Variants in CSMD1 observed in about 807,000 individuals in gnomAD.
CSMD1 encodes the protein CUB and Sushi multiple domains 1.
A neutral mutation model predicts 417.5 loss-of-function variants in CSMD1; 213 were observed. The ratio of observed to expected loss-of-function variants is 0.51; its 90% CI spans 0.46 to 0.57. The LOEUF is 0.57. Ranked by LOEUF, CSMD1 falls within the 20% of genes least tolerant of loss-of-function variation. The pLI is 0.00. For synonymous variants in CSMD1, 2,862 were observed against 1,736.8 expected (o/e 1.65, Z -16.11); for missense variants, 6,923 against 4,529.7 (o/e 1.53, Z -15.17).
intron 11 of CSMD1, among the ~76,000 whole-genome samples, chr8:3,478,184 T>G (rs1216248180): frequency 6.6e-6 from 1 of 152,242 alleles, no homozygotes; most frequent in African/African-American, 2.4e-5. Context: ...GAAGATGATG[T>G]GACTTAACAT....
chr8:3,368,577 G>A (rs901067961), intron 19 of CSMD1, among the ~76,000 whole-genome samples: 16 of 152,294 alleles, frequency 1.1e-4, no homozygotes, highest in African/African-American at 3.4e-4. Flanking sequence ...GACCTCAGGT[G>A]ATACACCTGT....
At chr8:3,538,238 ACACCTGAGATGCCT>A (rs1012169948) in intron 10 of CSMD1, among the ~76,000 whole-genome samples, 2 of 152,230 alleles carry the variant, frequency 1.3e-5, no homozygotes, top group East Asian at 1.9e-4. Context: ...TAGCAATGGC[ACACCTGAGATGCCT>A]CACCTGAGAT....
intron 8 of CSMD1, among the ~76,000 whole-genome samples, chr8:3,598,603 G>C (rs1331814314): frequency 2.0e-5 from 3 of 152,020 alleles, no homozygotes; most frequent in African/African-American, 7.2e-5. Context: ...TCTTTTATTT[G>C]TCCTCATCCC....
At chr8:3,545,891 C>A (rs1002967555) in intron 10 of CSMD1, among the ~76,000 whole-genome samples, 5 of 152,150 alleles carry the variant, frequency 3.3e-5, no homozygotes, top group African/African-American at 1.2e-4. Flanking sequence ...AGTGATGTAG[C>A]AATAAAATTA....
intron 1 of CSMD1, among the ~76,000 whole-genome samples, chr8:4,963,523 G>C (rs951574887): frequency 6.6e-6 from 1 of 152,070 alleles, no homozygotes; most frequent in Admixed American, 6.6e-5. Flanking sequence ...CTACCTCCTA[G>C]AAATAGATTT....
intron 1 of CSMD1, among the ~76,000 whole-genome samples, chr8:4,776,370 C>T (rs1169098681): frequency 1.3e-5 from 2 of 152,134 alleles, no homozygotes; most frequent in Non-Finnish European, 2.9e-5. Flanking sequence ...CACAGTGCTA[C>T]TACTATATCT....
chr8:4,715,351 G>C (rs1808587042), intron 1 of CSMD1, among the ~76,000 whole-genome samples: 1 of 152,156 alleles, frequency 6.6e-6, no homozygotes, highest in African/African-American at 2.4e-5. Context: ...ACAAAGCAAT[G>C]CTTCATCAAA....
At chr8:3,053,137 T>C (rs1234448657) in intron 49 of CSMD1, among the ~76,000 whole-genome samples, 2 of 152,180 alleles carry the variant, frequency 1.3e-5, no homozygotes, top group Non-Finnish European at 2.9e-5. Flanking sequence ...ATCTTAAGTA[T>C]ATTAAAGGTT....
At chr8:3,120,316 T>G (rs1585401507) in intron 41 of CSMD1, among the ~76,000 whole-genome samples, 1 of 152,216 alleles carries the variant, frequency 6.6e-6, no homozygotes, top group African/African-American at 2.4e-5. Flanking sequence ...ATTAAAGCAA[T>G]TGGACATCAA....
At chr8:4,485,474 G>A (rs1801328916) in intron 2 of CSMD1, among the ~76,000 whole-genome samples, 1 of 152,166 alleles carries the variant, frequency 6.6e-6, no homozygotes, top group Admixed American at 6.5e-5. Flanking sequence ...ATGTGTCTGG[G>A]CTGGGCAGCA....
At chr8:4,825,311 G>C (rs923866639) in intron 1 of CSMD1, among the ~76,000 whole-genome samples, 1 of 152,070 alleles carries the variant, frequency 6.6e-6, no homozygotes, top group Non-Finnish European at 1.5e-5. Flanking sequence ...TTAGCTGTCA[G>C]TGTTTTATCC....
intron 6 of CSMD1, among the ~76,000 whole-genome samples, chr8:3,740,465 G>C (rs2623712): frequency 0.93 from 141,672 of 152,144 alleles, 66,826 homozygotes; most frequent in Non-Finnish European, 1. Flanking sequence ...GGAGAACTCA[G>C]AAGTGGGAGC....
chr8:3,417,155 T>C (rs757637904), intron 12 of CSMD1, among the ~76,000 whole-genome samples: 7 of 152,208 alleles, frequency 4.6e-5, no homozygotes, highest in Non-Finnish European at 1.0e-4. Flanking sequence ...GTTGCTGCAG[T>C]CTTTGTTACC....
intron 1 of CSMD1, among the ~76,000 whole-genome samples, chr8:4,711,080 G>C (rs1450672509): frequency 6.7e-6 from 1 of 150,364 alleles, no homozygotes; most frequent in Non-Finnish European, 1.5e-5. Context: ...TGATATTTCA[G>C]AAAACAGTCT....
chr8:4,464,195 C>T (rs183941887), intron 2 of CSMD1, among the ~76,000 whole-genome samples: 1 of 152,152 alleles, frequency 6.6e-6, no homozygotes, highest in Non-Finnish European at 1.5e-5. Flanking sequence ...TCTAATTTAG[C>T]CTTCCAAGAC....
chr8:4,374,471 A>G (rs1031958230), intron 3 of CSMD1, among the ~76,000 whole-genome samples: 3 of 152,140 alleles, frequency 2.0e-5, no homozygotes, highest in Non-Finnish European at 4.4e-5. Context: ...AGTGAAAGGA[A>G]GACAGCTTGC....
At position 4,151,918 on chromosome 8, in the gene CSMD1, G is replaced by A. The variant is rs371325681; in HGVS notation, c.416-119819C>T. 2.6e-5 allele frequency among the ~76,000 whole-genome samples: 4 copies of A among 152,114 alleles called. No homozygotes were observed. The South Asian group carries it at 8.3e-4, about 32-fold the overall frequency. ...GGCAGAGAAGTCCATTTGTCTATCA[G>A]CAGAGATAAGTTTTGCCTGCATAAA... On this transcript the variant is annotated intron_variant, in intron 3 of 69. Coordinates refer to ENST00000635120, the MANE Select transcript of CSMD1 (RefSeq NM_033225.6).
At chr8:3,801,929 A>G (rs1245132367) in intron 5 of CSMD1, among the ~76,000 whole-genome samples, 1 of 152,118 alleles carries the variant, frequency 6.6e-6, no homozygotes, top group African/African-American at 2.4e-5. Context: ...TAGGGTGGGG[A>G]GTCAGGGTAG....
chr8:3,631,324 CTCAT>C (rs1466827573), intron 7 of CSMD1, among the ~76,000 whole-genome samples: 1 of 152,192 alleles, frequency 6.6e-6, no homozygotes, highest in Non-Finnish European at 1.5e-5. Context: ...GTTTATTGTT[CTCAT>C]TCTGAGTCTG....
Sources: gnomAD v4.1 joint callset for allele counts (sites outside exome capture counted in the v4.1 genomes callset) on GRCh38, gnomAD v4.1.1 for gene constraint, MANE v1.5 for transcripts, NCBI Gene and HGNC (gene_info 2026-07-23, HGNC 2026-07-21) for gene names.